VAC14: variants seen among roughly 807,000 people sequenced by gnomAD.
VAC14 encodes VAC14 component of PIKFYVE complex, also known as protein VAC14 homolog.
Under a neutral mutation model 85.3 loss-of-function variants are expected in VAC14, and 47 were observed. The ratio of observed to expected loss-of-function variants is 0.55; its 90% CI spans 0.44 to 0.70. The LOEUF (loss-of-function observed/expected upper bound fraction) is 0.70, where lower values mean the gene tolerates loss of function less well. Among genes scored for constraint, VAC14 ranks in the 30% least tolerant of loss-of-function variants. VAC14 has a pLI of 0.00. For missense variants in VAC14, 861 were observed against 1,004.3 expected, an observed-to-expected ratio of 0.86 and a Z score of 1.93; for synonymous variants, 447 against 430.5, an observed-to-expected ratio of 1.04 and a Z score of -0.47.
chr16:70,726,271 C>A (rs965632974), intron 14 of VAC14, among the ~76,000 whole-genome samples: 1 of 152,252 alleles, frequency 6.6e-6, no homozygotes, highest in Non-Finnish European at 1.5e-5. Flanking sequence ...ACACCTACTC[C>A]GGGCAGAGTT....
chr16:70,730,053 A>G (rs1597897374), intron 14 of VAC14, among the ~76,000 whole-genome samples: 1 of 151,932 alleles, frequency 6.6e-6, no homozygotes, highest in East Asian at 1.9e-4. Context: ...TGCCCAAACC[A>G]GAGGCCTGGA....
intron 14 of VAC14, chr16:70,731,211 T>C (rs777278434): frequency 7.2e-5 from 72 of 1,005,174 alleles, no homozygotes; most frequent in Non-Finnish European, 8.3e-5. Flanking sequence ...GACAATGGCA[T>C]TGAATAAGAG....
chr16:70,763,557 T>G (rs558939785), intron 10 of VAC14, among the ~76,000 whole-genome samples: 5 of 152,336 alleles, frequency 3.3e-5, no homozygotes, highest in African/African-American at 1.2e-4. Context: ...GTTTCTCAAG[T>G]GAGGTCAGGG....
chr16:70,690,155 G>C (rs1200584657), intron 18 of VAC14: 1 of 985,524 alleles, frequency 1.0e-6, no homozygotes, highest in African/African-American at 1.7e-5. Flanking sequence ...GGAAGAGTGG[G>C]CCACATCTGC....
intron 14 of VAC14, among the ~76,000 whole-genome samples, chr16:70,703,368 G>A (rs954558104): frequency 1.3e-5 from 2 of 150,796 alleles, no homozygotes; most frequent in African/African-American, 2.5e-5. Context: ...AGGGCATAGG[G>A]GACCTCTTGT....
chr16:70,717,853 C>G (rs974605729), intron 14 of VAC14, among the ~76,000 whole-genome samples: 14 of 152,148 alleles, frequency 9.2e-5, no homozygotes, highest in Admixed American at 9.2e-4. Flanking sequence ...AGGGTTTCAC[C>G]ATGTTGCTCA....
At chr16:70,742,581 A>G (rs2030446953) in intron 13 of VAC14, among the ~76,000 whole-genome samples, 1 of 152,232 alleles carries the variant, frequency 6.6e-6, no homozygotes, top group Non-Finnish European at 1.5e-5. Context: ...ACGGCCACTG[A>G]CTGCCTAGAA....
chr16:70,752,759 C>T (rs2031490362), intron 12 of VAC14, among the ~76,000 whole-genome samples: 1 of 152,254 alleles, frequency 6.6e-6, no homozygotes, highest in South Asian at 2.1e-4. Context: ...GGGCCCAATG[C>T]AGCAGGACAG....
intron 1 of VAC14, among the ~76,000 whole-genome samples, chr16:70,789,498 A>C (rs539390944): frequency 2.9e-4 from 44 of 152,302 alleles, no homozygotes; most frequent in Admixed American, 1.8e-3. Flanking sequence ...ACAGCTGCTC[A>C]CATCTGGGGC....
intron 1 of VAC14, among the ~76,000 whole-genome samples, chr16:70,796,210 GTGGTCACT>G (rs1382639809): frequency 6.6e-6 from 1 of 152,196 alleles, no homozygotes; most frequent in Non-Finnish European, 1.5e-5. Context: ...GACAGTTAGT[GTGGTCACT>G]TAACACCACA....
In VAC14 at chr16:70,691,634, A is replaced by C. The variant is rs1036690685; in HGVS notation, c.2186+1187T>G. The C allele has an allele frequency of 2.2e-5, 22 of 985,386 alleles. No individual in the cohort carries two copies. The Admixed American group carries it at 3.7e-4, about 17-fold the overall frequency. 61.0% of individuals were successfully genotyped at this position (985,386 alleles called of 1,614,324 possible). ...TGGGGTGGCAACCGGCTCAAGGCCTAGTCCTGCCACTGCAGGGCACTGCCT... is the reference window on the plus strand; with the variant it reads ...TGGGGTGGCAACCGGCTCAAGGCCTCGTCCTGCCACTGCAGGGCACTGCCT... On this transcript the variant is annotated intron_variant, in intron 18 of 18. Coordinates refer to ENST00000261776, the MANE Select transcript of VAC14 (RefSeq NM_018052.5).
chr16:70,762,764 G>A lies in VAC14; in HGVS notation c.1305+117C>T. 6.5e-7 allele frequency: 1 copy of A among 1,539,800 alleles called. No homozygotes were observed. Among genetic ancestry groups the A allele is most frequent in the Non-Finnish European group, 8.8e-7 (1 of 1,130,838 alleles). Reference sequence around the variant, plus strand: ...TCCTCGCAGCACCTGTCACTTCTCTGCCGGCCAGGGTTTCCCTAGAAGGGC... The same window carrying A: ...TCCTCGCAGCACCTGTCACTTCTCTACCGGCCAGGGTTTCCCTAGAAGGGC... On this transcript the variant is annotated intron_variant, in intron 11 of 18. Coordinates refer to ENST00000261776, the MANE Select transcript of VAC14 (RefSeq NM_018052.5). The surrounding 1 kb of genome is among the most constrained non-coding windows in gnomAD (Gnocchi z 4.1).
rs745364820 is a variant in VAC14, at chr16:70,698,819, G to A, written c.1662-8C>T. On this transcript the variant is annotated splice_region_variant and splice_polypyrimidine_tract_variant and intron_variant, in intron 14 of 18. Transcript: ENST00000261776. ...AGCAGGAGGCACAGCTGCCTGGAGAGCAGGCAGACTGGGGTCAGGGCGCAG... is the reference window on the plus strand; with the variant it reads ...AGCAGGAGGCACAGCTGCCTGGAGAACAGGCAGACTGGGGTCAGGGCGCAG... 8 of 1,613,420 alleles carry A rather than the reference G, an allele frequency of 5.0e-6. No homozygotes were observed. The South Asian group carries it at 5.5e-5, about 11-fold the overall frequency.
intron 12 of VAC14, among the ~76,000 whole-genome samples, chr16:70,761,768 A>C (rs938318653): frequency 1.3e-5 from 2 of 152,148 alleles, no homozygotes; most frequent in Non-Finnish European, 1.5e-5. Flanking sequence ...CCAAAAAGGC[A>C]AAGCTTAAGG....
At chr16:70,782,081 G>C in intron 7 of VAC14, 78 bp from the exon 8 acceptor site, 2 of 1,551,676 alleles carry the variant, frequency 1.3e-6, no homozygotes, top group Non-Finnish European at 1.7e-6. Flanking sequence ...ATACACGTGG[G>C]ATGGGGCTGG....
intron 14 of VAC14, among the ~76,000 whole-genome samples, chr16:70,706,785 C>A (rs145241826): frequency 5.8e-4 from 89 of 152,340 alleles, no homozygotes; most frequent in African/African-American, 2.0e-3. Flanking sequence ...AACCACCACG[C>A]CTGGATAGCC....
intron 13 of VAC14, among the ~76,000 whole-genome samples, chr16:70,739,833 A>G (rs1311283398): frequency 6.6e-6 from 1 of 152,232 alleles, no homozygotes; most frequent in African/African-American, 2.4e-5. Context: ...ATTTGGCTAC[A>G]ATACACTGTC....
chr16:70,740,528 T>C (rs2030169898), intron 13 of VAC14, among the ~76,000 whole-genome samples: 1 of 152,170 alleles, frequency 6.6e-6, no homozygotes, highest in Admixed American at 6.5e-5. Context: ...CTTTGAAGTT[T>C]TTTGCACAGG....
intron 14 of VAC14, among the ~76,000 whole-genome samples, chr16:70,722,073 C>A (rs966323421): frequency 1.3e-5 from 2 of 152,206 alleles, no homozygotes; most frequent in African/African-American, 4.8e-5. Context: ...GCCACAGGTG[C>A]CTTTAAAAGA....
Sources: allele counts gnomAD v4.1 joint callset (sites outside exome capture counted in the v4.1 genomes callset), GRCh38; gene constraint gnomAD v4.1.1; non-coding constraint Gnocchi (gnomAD v3.1); transcripts MANE v1.5; gene names NCBI Gene and HGNC (gene_info 2026-07-23, HGNC 2026-07-21).